The following SLC39A9 variants were observed in gnomAD, a reference collection of about 807,000 sequenced individuals.
SLC39A9 encodes solute carrier family 39 member 9.
SLC39A9 carries 14 observed loss-of-function variants against 28.4 expected under a neutral mutation model. The observed-to-expected ratio is 0.49, with a 90% CI of 0.33 to 0.77. The LOEUF (loss-of-function observed/expected upper bound fraction) is 0.77. SLC39A9 is among the 30% of genes least tolerant of loss of function. The pLI is 0.02. For missense variants in SLC39A9, 283 were observed against 381.1 expected (o/e 0.74, Z 2.14); for synonymous variants, 119 against 149.6 (o/e 0.80, Z 1.49).
At chr14:69,402,048 T>C (rs544637421) in intron 1 of SLC39A9, among the ~76,000 whole-genome samples, 4 of 152,278 alleles carry the variant, frequency 2.6e-5, no homozygotes, top group African/African-American at 9.6e-5. Flanking sequence ...CTACACTGGA[T>C]AAATGACTTG....
chr14:69,450,950 T>G (rs1885577879), intron 3 of SLC39A9, among the ~76,000 whole-genome samples: 1 of 152,242 alleles, frequency 6.6e-6, no homozygotes, highest in African/African-American at 2.4e-5. Context: ...TTTTATGTAT[T>G]ATAAAATGTC....
In SLC39A9 at chr14:69,459,713, T is replaced by C. The variant is rs796143915; in HGVS notation, c.*1120T>C. ...TGTTTGCCTATTGATTTAAAGCTTA[T>C]TGGAATCATGTCTCTTGTCTCTTCG... On this transcript the variant is annotated 3_prime_UTR_variant, in exon 7 of 7. Transcript: ENST00000336643. The C allele has an allele frequency of 2.3e-5, 23 of 985,110 alleles. No homozygotes were observed. In the African/African-American group the frequency reaches 2.8e-4, roughly 12 times the overall value. The allele number at this position is 985,110 out of a possible 1,614,324, so 61.0% of individuals were successfully genotyped here.
chr14:69,455,926 A>G (rs2139456622), intron 6 of SLC39A9, 60 bp downstream of exon 6: 2 of 1,565,080 alleles, frequency 1.3e-6, no homozygotes, highest in African/African-American at 2.7e-5. Context: ...AGAATTTATG[A>G]TCTCTTAGAT....
chr14:69,421,674 C>T (rs573388663), intron 1 of SLC39A9, among the ~76,000 whole-genome samples: 14 of 152,310 alleles, frequency 9.2e-5, no homozygotes, highest in South Asian at 2.1e-4. Flanking sequence ...TCGAGCTTCC[C>T]GGCCATTTTG....
At chr14:69,425,506 T>C (rs904587167) in intron 2 of SLC39A9, among the ~76,000 whole-genome samples, 1 of 152,240 alleles carries the variant, frequency 6.6e-6, no homozygotes, top group Non-Finnish European at 1.5e-5. Context: ...GAATATCTAT[T>C]TTTAACAAGC....
intron 3 of SLC39A9, among the ~76,000 whole-genome samples, chr14:69,449,056 A>T (rs1328029077): frequency 3.3e-5 from 5 of 152,354 alleles, no homozygotes; most frequent in African/African-American, 1.2e-4. Flanking sequence ...GTTTAAAAAA[A>T]TTATGGGAGT....
At chr14:69,404,977 A>C (rs532193248) in intron 1 of SLC39A9, among the ~76,000 whole-genome samples, 1 of 152,210 alleles carries the variant, frequency 6.6e-6, no homozygotes, top group East Asian at 1.9e-4. Context: ...ACTTACAATC[A>C]TGGCAGAAGA....
At chr14:69,402,331 A>G (rs1179809979) in intron 1 of SLC39A9, among the ~76,000 whole-genome samples, 1 of 152,164 alleles carries the variant, frequency 6.6e-6, no homozygotes, top group African/African-American at 2.4e-5. Flanking sequence ...CCCACGAGCC[A>G]TGAGTTGGAC....
chr14:69,451,346 A>T (rs1319127439), intron 3 of SLC39A9, among the ~76,000 whole-genome samples: 1 of 152,192 alleles, frequency 6.6e-6, no homozygotes, highest in Admixed American at 6.5e-5. Context: ...ACTGATGTTC[A>T]TCTGTCATTT....
At chr14:69,404,018 G>A (rs879623705) in intron 1 of SLC39A9, among the ~76,000 whole-genome samples, 42 of 152,116 alleles carry the variant, frequency 2.8e-4, no homozygotes, top group Non-Finnish European at 3.5e-4. Context: ...ACTCCAGCCT[G>A]GGCAGCAAGA....
chr14:69,459,059 T>C lies in SLC39A9; in HGVS notation c.*466T>C. The C allele has an allele frequency of 2.0e-6, 2 of 988,346 alleles. No individual in the cohort carries two copies. Among genetic ancestry groups the C allele is most frequent in the Non-Finnish European group, 2.4e-6 (2 of 831,364 alleles). The allele number at this position is 988,346 out of a possible 1,614,324, so 61.2% of individuals were successfully genotyped here. A position where few individuals can be genotyped will look rare whatever the true frequency, so the allele number is the denominator to read the frequency against. ...TGTAAGACTGGTGCTTTAGCATCTA[T>C]GCCACATGCGTTGATGGAAGGTCAT... is the stretch of plus-strand genomic sequence containing the variant. On this transcript the variant is annotated 3_prime_UTR_variant, in exon 7 of 7. Transcript: ENST00000336643.
intron 3 of SLC39A9, among the ~76,000 whole-genome samples, chr14:69,444,683 A>T (rs1232143278): frequency 6.6e-6 from 1 of 152,258 alleles, no homozygotes; most frequent in East Asian, 1.9e-4. Flanking sequence ...ATGAAAATAC[A>T]TATGCACAAG....
chr14:69,455,921 T>C lies in SLC39A9; in HGVS notation c.693+55T>C, dbSNP rs1354631555. The C allele has an allele frequency of 1.9e-6, 3 of 1,576,664 alleles. No individual in the cohort carries two copies. The African/African-American group carries it at 4.1e-5, about 21-fold the overall frequency. ...CCAGTGTCTTGTGATCTCTTAGAATTTATGATCTCTTAGATTGAATTTTTC... is the reference window on the plus strand; with the variant it reads ...CCAGTGTCTTGTGATCTCTTAGAATCTATGATCTCTTAGATTGAATTTTTC... On this transcript the variant is annotated intron_variant, in intron 6 of 6. Transcript: ENST00000336643.
intron 1 of SLC39A9, among the ~76,000 whole-genome samples, chr14:69,408,021 T>A (rs2140250721): frequency 6.6e-6 from 1 of 152,160 alleles, no homozygotes; most frequent in South Asian, 2.1e-4. Context: ...TTTTTCTTTC[T>A]TTCTTATTTT....
At chr14:69,437,523 C>A (rs1884828292) in intron 2 of SLC39A9, among the ~76,000 whole-genome samples, 1 of 152,006 alleles carries the variant, frequency 6.6e-6, no homozygotes, top group African/African-American at 2.4e-5. Flanking sequence ...ACATGGCCAG[C>A]ATCAGATGTC....
At chr14:69,430,809 GT>G in intron 2 of SLC39A9, among the ~76,000 whole-genome samples, 1 of 151,774 alleles carries the variant, frequency 6.6e-6, no homozygotes, top group East Asian at 1.9e-4. Flanking sequence ...TATTTAAACT[GT>G]TTATATAGAG....
chr14:69,452,922 GC>G (rs1885682856), intron 3 of SLC39A9, among the ~76,000 whole-genome samples: 1 of 152,172 alleles, frequency 6.6e-6, no homozygotes, highest in African/African-American at 2.4e-5. Context: ...GGAAGTTGGG[GC>G]CATTGGGGGT....
Position 69,435,765 on chromosome 14 carries a change from C to T in SLC39A9, c.206-6304C>T, listed in dbSNP as rs141055814. 3.3e-5 allele frequency among the ~76,000 whole-genome samples: 5 copies of T among 152,084 alleles called. No individual in the cohort carries two copies. The East Asian group carries it at 7.8e-4, about 24-fold the overall frequency. The stretch of plus-strand genomic sequence containing the variant: ...TGGGTTTGCTGCAACCTCTGCCTCC[C>T]GGGTTCAAGCGATTCTCCTGCTTCA... On this transcript the variant is annotated intron_variant, in intron 2 of 6. Coordinates refer to ENST00000336643, the MANE Select transcript of SLC39A9 (RefSeq NM_018375.5).
chr14:69,414,509 A>G (rs1210080366), intron 1 of SLC39A9, among the ~76,000 whole-genome samples: 1 of 152,222 alleles, frequency 6.6e-6, no homozygotes, highest in African/African-American at 2.4e-5. Flanking sequence ...TAGTATTCGA[A>G]TTAGATCTCT....
Sources: gnomAD v4.1 joint callset for allele counts (sites outside exome capture counted in the v4.1 genomes callset) on GRCh38, gnomAD v4.1.1 for gene constraint, MANE v1.5 for transcripts, NCBI Gene and HGNC (gene_info 2026-07-23, HGNC 2026-07-21) for gene names.